Variants in BICRA observed in about 807,000 individuals in gnomAD.
BICRA encodes the protein BRD4 interacting chromatin remodeling complex associated protein.
A neutral mutation model predicts 96.9 loss-of-function variants in BICRA; 31 were observed. The observed-to-expected ratio is 0.32, with a 90% confidence interval of 0.24 to 0.43. The LOEUF is 0.43. Ranked by LOEUF, BICRA falls within the 20% of genes least tolerant of loss-of-function variation. BICRA has a pLI of 1.00. For missense variants in BICRA, 2,283 were observed against 2,190.3 expected (o/e 1.04, Z -0.84); for synonymous variants, 1,350 against 1,071.8 (o/e 1.26, Z -5.07).
At chr19:47,625,585 G>A (rs1039456068) in intron 1 of BICRA, among the ~76,000 whole-genome samples, 7 of 152,090 alleles carry the variant, frequency 4.6e-5, no homozygotes, top group Non-Finnish European at 8.8e-5. Context: ...TATACAGATC[G>A]TGAGGAGATT....
At chr19:47,663,813 C>T (rs1364435838) in intron 1 of BICRA, 1 of 151,960 alleles carries the variant, frequency 6.6e-6, no homozygotes, top group Non-Finnish European at 1.5e-5. Context: ...CACACACACA[C>T]ACATTATTGA....
chr19:47,657,548 C>T (rs769484518), intron 1 of BICRA, among the ~76,000 whole-genome samples: 1 of 151,988 alleles, frequency 6.6e-6, no homozygotes, highest in Admixed American at 6.6e-5. Context: ...AGGTACCCAC[C>T]ACCACTCCCG....
intron 2 of BICRA, among the ~76,000 whole-genome samples, chr19:47,670,888 G>A (rs1055142401): frequency 5.9e-5 from 9 of 152,178 alleles, no homozygotes; most frequent in Non-Finnish European, 7.4e-5. Flanking sequence ...GAAGCCTGGT[G>A]GGGCTGGGAT....
chr19:47,657,114 G>A (rs1972630326), intron 1 of BICRA, among the ~76,000 whole-genome samples: 1 of 152,080 alleles, frequency 6.6e-6, no homozygotes. Context: ...GCCTGCCTTG[G>A]CCTCCCAAAG....
chr19:47,686,189 C>T (rs1256913328), intron 7 of BICRA, among the ~76,000 whole-genome samples: 1 of 152,082 alleles, frequency 6.6e-6, no homozygotes, highest in African/African-American at 2.4e-5. Flanking sequence ...CCTTGGCCTC[C>T]CAAAGTCCTG....
chr19:47,628,320 CTT>C (rs1258976980), intron 1 of BICRA, among the ~76,000 whole-genome samples: 2 of 139,038 alleles, frequency 1.4e-5, no homozygotes, highest in African/African-American at 5.1e-5. Context: ...GGTGCAGACA[CTT>C]TGCATTTCTT....
At chr19:47,664,561 G>C (rs1385349058) in intron 1 of BICRA, among the ~76,000 whole-genome samples, 2 of 152,206 alleles carry the variant, frequency 1.3e-5, no homozygotes, top group Non-Finnish European at 2.9e-5. Context: ...ATGTGCATCA[G>C]CAGTGCTTCC....
Position 47,701,916 on chromosome 19 carries a change from T to TG in BICRA, c.4190dup (p.Gly1399TrpfsTer97). On this transcript the variant is annotated frameshift_variant, in exon 15 of 15. Transcript: ENST00000594866. LOFTEE classifies it high-confidence loss of function. The surrounding 1 kb of genome is among the most constrained non-coding windows in gnomAD (Gnocchi z 5.4). ...CTGCGCAAGACCTACCGCGAGAACG[T>TG]GGGGGGCCCTGGCGCGCCGGAGGGG... 4 of 1,434,240 alleles carry TG rather than the reference T, an allele frequency of 2.8e-6. No homozygotes were observed. Among genetic ancestry groups the TG allele is most frequent in the Admixed American group, 3.0e-5 (1 of 32,796 alleles). 88.8% of individuals were successfully genotyped at this position (1,434,240 alleles called of 1,614,324 possible). A position where few individuals can be genotyped will look rare whatever the true frequency, so the allele number is the denominator to read the frequency against.
rs1973401544 is a variant in BICRA at position 47,699,248 on chromosome 19, G to A, written c.3493-55G>A. The A allele has an allele frequency of 9.5e-7, 1 of 1,049,042 alleles. No individual in the cohort carries two copies. Among genetic ancestry groups the A allele is most frequent in the Non-Finnish European group, 1.5e-6 (1 of 688,648 alleles). The allele number at this position is 1,049,042 out of a possible 1,614,324, so 65.0% of individuals were successfully genotyped here. A position where few individuals can be genotyped will look rare whatever the true frequency, so the allele number is the denominator to read the frequency against. On this transcript the variant is annotated intron_variant, in intron 13 of 14. Coordinates refer to ENST00000594866, the MANE Select transcript of BICRA (RefSeq NM_001394372.1). The surrounding 1 kb of genome is among the most constrained non-coding windows in gnomAD (Gnocchi z 5.0). ...TGCACGCATCGTCCCCGTCGCTCGC[G>A]CCCCTTCCCCCTTCTTGCTGGTTCA...
chr19:47,684,610 G>A (rs776824356), intron 7 of BICRA, among the ~76,000 whole-genome samples: 11 of 152,144 alleles, frequency 7.2e-5, no homozygotes, highest in African/African-American at 2.2e-4. Flanking sequence ...GTGAGACACC[G>A]CGCCCGGCCT....
chr19:47,611,226 G>T (rs1971902326), intron 1 of BICRA, among the ~76,000 whole-genome samples: 1 of 152,172 alleles, frequency 6.6e-6, no homozygotes, highest in Admixed American at 6.5e-5. Context: ...GACTTCAGTG[G>T]ACCTGGTTCG....
At chr19:47,608,509 G>A (rs930392018), upstream of BICRA, 1 of 152,232 alleles carries the variant, frequency 6.6e-6, no homozygotes, top group Non-Finnish European at 1.5e-5. Flanking sequence ...CGCCTCAGGG[G>A]ACGCGCCCAG....
chr19:47,673,241 G>C (rs1972892294), intron 2 of BICRA, among the ~76,000 whole-genome samples: 1 of 152,100 alleles, frequency 6.6e-6, no homozygotes, highest in South Asian at 2.1e-4. Flanking sequence ...CAAAGTACAG[G>C]CCGTGGGACC....
chr19:47,677,136 A>G (rs1392057834), intron 5 of BICRA, among the ~76,000 whole-genome samples: 2 of 152,204 alleles, frequency 1.3e-5, no homozygotes, highest in African/African-American at 4.8e-5. Context: ...TGTCACCAAC[A>G]ACAGCATGGA....
chr19:47,667,489 G>A (rs1454650418), intron 1 of BICRA, among the ~76,000 whole-genome samples: 2 of 152,120 alleles, frequency 1.3e-5, no homozygotes, highest in Non-Finnish European at 2.9e-5. Context: ...CGTGCACAGA[G>A]CTTGGGCCAC....
rs1973046084 is a variant in BICRA at position 47,681,100 on chromosome 19, G to A, written c.1930G>A (p.Ala644Thr). ...GCCCCTGGGCCTCCAGCAGCCGCAG[G>A]CGCAGCAGCCCCCGCAGGCCCCCAC... ...PLPLGLQQPQ[A>T]QQPPQAPTPQ... The change falls in exon 6 of 15, where the codon GCG (alanine) becomes ACG (threonine). Residue 644 changes from alanine to threonine, a missense_variant. Coordinates refer to ENST00000594866, the MANE Select transcript of BICRA (RefSeq NM_001394372.1). 3 of 1,462,880 alleles carry A rather than the reference G, an allele frequency of 2.1e-6. No individual in the cohort carries two copies. The highest frequency in any genetic ancestry group is 2.7e-6 in the Non-Finnish European group (3 of 1,103,926). 90.6% of individuals were successfully genotyped at this position (1,462,880 alleles called of 1,614,324 possible).
chr19:47,679,635 G>T lies in BICRA; in HGVS notation c.465G>T (p.Gly155=). Residue 155 remains glycine, a synonymous_variant, in exon 6 of 15, where the codon GGG becomes GGT. Coordinates refer to ENST00000594866, the MANE Select transcript of BICRA (RefSeq NM_001394372.1). ...GAGGAAAVAA[G]PQALFPGSTD... ...GAGGGGCAGCGGCCGTGGCTGCGGG[G>T]CCCCAAGCCCTCTTCCCAGGCAGCA... 10 of 1,511,048 alleles carry T rather than the reference G, an allele frequency of 6.6e-6. No individual in the cohort carries two copies. Among genetic ancestry groups the T allele is most frequent in the Non-Finnish European group, 8.8e-6 (10 of 1,130,426 alleles). The allele number at this position is 1,511,048 out of a possible 1,614,324, so 93.6% of individuals were successfully genotyped here.
At chr19:47,661,453 C>T (rs114093159) in intron 1 of BICRA, among the ~76,000 whole-genome samples, 172 of 151,392 alleles carry the variant, frequency 1.1e-3, no homozygotes, top group African/African-American at 4.1e-3. Context: ...CGGGGAGGAG[C>T]AGAGGCCAGA....
In BICRA at chr19:47,694,636, C is replaced by G. The variant is rs768728880; in HGVS notation, c.2805C>G (p.Pro935=). The G allele has an allele frequency of 9.6e-6, 15 of 1,569,272 alleles. No homozygotes were observed. The Admixed American group carries it at 1.3e-4, about 14-fold the overall frequency. The part of the protein sequence containing the change: ...TLHLVPEPAA[P]PPPPPRTFQM... ...ACCTGGTCCCTGAGCCGGCAGCACC[C>G]CCCCCACCGCCTCCTCGGACCTTCC... The change falls in exon 8 of 15, where the codon CCC becomes CCG. Residue 935 remains proline (P), a synonymous_variant. Coordinates refer to ENST00000594866, the MANE Select transcript of BICRA (RefSeq NM_001394372.1).
Sources: gnomAD v4.1 joint callset for allele counts (sites outside exome capture counted in the v4.1 genomes callset) on GRCh38, gnomAD v4.1.1 for gene constraint, Gnocchi (gnomAD v3.1) non-coding constraint, MANE v1.5 for transcripts, NCBI Gene and HGNC (gene_info 2026-07-23, HGNC 2026-07-21) for gene names.